The following CLASP2 variants were observed in gnomAD, a reference collection of about 807,000 sequenced individuals.
The protein encoded by CLASP2 is cytoplasmic linker associated protein 2, also known as CLIP-associating protein 2.
In CLASP2, 47 loss-of-function variants were observed where a neutral mutation model predicts 194.4. The observed-to-expected ratio is 0.24, with a 90% CI of 0.19 to 0.31. The LOEUF (loss-of-function observed/expected upper bound fraction) is 0.31, where lower values mean the gene tolerates loss of function less well. Ranked by LOEUF, CLASP2 falls within the 10% of genes least tolerant of loss-of-function variation. The pLI, the probability that CLASP2 is intolerant of heterozygous loss-of-function variation, is 1.00. For missense variants in CLASP2, 1,445 were observed against 1,823.6 expected, an observed-to-expected ratio of 0.79 and a Z score of 3.78; for synonymous variants, 619 against 633.5, an observed-to-expected ratio of 0.98 and a Z score of 0.34.
intron 7 of CLASP2, among the ~76,000 whole-genome samples, chr3:33,650,568 AAAGGAAGAGATGGAAATAGAG>A (rs1296860474): frequency 6.6e-6 from 1 of 152,146 alleles, no homozygotes; most frequent in Non-Finnish European, 1.5e-5. Context: ...AAAATGGAGA[AAAGGAAGAGATGGAAATAGAG>A]AAGGAAGAGA....
chr3:33,629,161 C>G (rs1300691228), intron 9 of CLASP2, among the ~76,000 whole-genome samples: 1 of 152,100 alleles, frequency 6.6e-6, no homozygotes, highest in African/African-American at 2.4e-5. Context: ...ACAGACAACT[C>G]TTTTGGAAAA....
intron 37 of CLASP2, 156 bp from the exon 38 acceptor site, chr3:33,501,924 T>C (rs980461000): frequency 3.1e-5 from 18 of 586,944 alleles, no homozygotes; most frequent in Admixed American, 5.9e-5. Context: ...TTTTCAAGCA[T>C]AGACAATGCC....
intron 10 of CLASP2, among the ~76,000 whole-genome samples, chr3:33,624,471 C>T (rs1559431820): frequency 6.6e-6 from 1 of 151,936 alleles, no homozygotes; most frequent in Admixed American, 6.6e-5. Flanking sequence ...ACACAAAGAA[C>T]GACAATAAAA....
At chr3:33,714,447 C>T (rs1053366231) in intron 1 of CLASP2, among the ~76,000 whole-genome samples, 1 of 152,146 alleles carries the variant, frequency 6.6e-6, no homozygotes, top group African/African-American at 2.4e-5. Context: ...CATCCGTCAC[C>T]CAATTTATTT....
In CLASP2 at chr3:33,544,829, C is replaced by T; in HGVS notation, c.3166G>A (p.Val1056Met). The change falls in exon 31 of 39, where the codon GTG (valine) becomes ATG (methionine). Residue 1056 changes from valine (V) to methionine (M), a missense_variant. By Grantham distance (21) the Val-to-Met change is conservative (BLOSUM62 1). This residue lies in a region of CLASP2 where 732 missense variants were observed against 987.9 expected (regional missense o/e 0.74). Coordinates refer to ENST00000682230, the MANE Select transcript of CLASP2 (RefSeq NM_001365631.1). ...TTGAGTTCAAATAATGAAATCAGCA[C>T]TGACTGTGCTGCCTAAAAAACAAAG... ...SSDVRKAAQSVLISLFELNTP... is the reference protein window; with the variant it reads ...SSDVRKAAQSMLISLFELNTP... 6 of 1,605,560 alleles carry T rather than the reference C, an allele frequency of 3.7e-6. No homozygotes were observed. Among genetic ancestry groups the T allele is most frequent in the Non-Finnish European group, 4.2e-6 (5 of 1,176,884 alleles).
At chr3:33,658,916 G>T in intron 7 of CLASP2, 2 of 1,419,304 alleles carry the variant, frequency 1.4e-6, no homozygotes, top group South Asian at 2.5e-5. Context: ...GCAAATGATC[G>T]TCACCTTAAA....
intron 16 of CLASP2, 134 bp downstream of exon 16, chr3:33,606,457 A>C (rs2073871089): frequency 6.5e-6 from 4 of 612,212 alleles, no homozygotes; most frequent in Non-Finnish European, 1.1e-5. Flanking sequence ...AGACCAAAAT[A>C]AATAAGTGTA....
At chr3:33,670,083 C>T (rs2086877729) in intron 6 of CLASP2, among the ~76,000 whole-genome samples, 1 of 152,126 alleles carries the variant, frequency 6.6e-6, no homozygotes, top group African/African-American at 2.4e-5. Flanking sequence ...TATACATACA[C>T]ATGCACACAC....
intron 18 of CLASP2, among the ~76,000 whole-genome samples, chr3:33,599,304 G>A (rs971431305): frequency 2.6e-5 from 4 of 151,870 alleles, no homozygotes; most frequent in Non-Finnish European, 4.4e-5. Context: ...TTTTATTTTG[G>A]TAGAGGTGTG....
chr3:33,552,738 G>A (rs185532259), intron 29 of CLASP2, among the ~76,000 whole-genome samples: 51 of 152,132 alleles, frequency 3.4e-4, no homozygotes, highest in African/African-American at 1.1e-3. Context: ...TACTCTTTTA[G>A]CAAAAATCCC....
chr3:33,666,253 C>T lies in CLASP2; in HGVS notation c.645-2738G>A, dbSNP rs112659092. ...CACCTCTTCAAACTGTACAATATAACGATTTTTAGTATATCTGCAGAGTTG... is the reference window on the plus strand; with the variant it reads ...CACCTCTTCAAACTGTACAATATAATGATTTTTAGTATATCTGCAGAGTTG... On this transcript the variant is annotated intron_variant, in intron 6 of 38. Transcript: ENST00000682230. Among the ~76,000 whole-genome samples, 1,140 of 152,260 alleles carry T rather than the reference C, an allele frequency of 7.5e-3. 11 individuals are homozygous for T. The highest frequency in any genetic ancestry group is 0.025 in the African/African-American group (1,043 of 41,550).
chr3:33,599,108 T>C (rs1030268475), intron 18 of CLASP2, among the ~76,000 whole-genome samples: 1 of 59,666 alleles, frequency 1.7e-5, no homozygotes, highest in Admixed American at 2.3e-4. Flanking sequence ...TGTTGTCTTA[T>C]TTATTTATTT....
intron 21 of CLASP2, among the ~76,000 whole-genome samples, chr3:33,590,328 T>C (rs567508981): frequency 6.6e-6 from 1 of 152,242 alleles, no homozygotes; most frequent in South Asian, 2.1e-4. Flanking sequence ...GTATCTATGA[T>C]CTAAACCAGT....
At chr3:33,523,581 C>T (rs1034695439) in intron 34 of CLASP2, among the ~76,000 whole-genome samples, 8 of 151,966 alleles carry the variant, frequency 5.3e-5, no homozygotes, top group East Asian at 3.9e-4. Context: ...CCTTCAAAAG[C>T]GAGGGAGAAA....
chr3:33,562,968 C>T (rs908727833), intron 27 of CLASP2, among the ~76,000 whole-genome samples: 12 of 152,184 alleles, frequency 7.9e-5, no homozygotes, highest in African/African-American at 2.9e-4. Flanking sequence ...TCTCCATTGA[C>T]TCTTCCCTCA....
intron 34 of CLASP2, among the ~76,000 whole-genome samples, chr3:33,528,075 A>G (rs1224139894): frequency 6.6e-6 from 1 of 152,226 alleles, no homozygotes; most frequent in Non-Finnish European, 1.5e-5. Context: ...CCAGCAGGAC[A>G]TCAAAAAGCT....
intron 6 of CLASP2, among the ~76,000 whole-genome samples, chr3:33,667,270 G>C (rs2086346741): frequency 6.6e-6 from 1 of 151,718 alleles, no homozygotes. Context: ...AACATAGCTG[G>C]GTATGGTTGT....
At position 33,622,267 on chromosome 3, in the gene CLASP2, C is replaced by T; in HGVS notation, c.1049G>A (p.Arg350Gln). The change falls in exon 11 of 39, where the codon CGA becomes CAA. Residue 350 changes from arginine to glutamine, a missense_variant. Arg to Gln is a conservative substitution (Grantham distance 43, BLOSUM62 1). This residue lies in a region of CLASP2 where 207 missense variants were observed against 331.4 expected (regional missense o/e 0.62). Coordinates refer to ENST00000682230, the MANE Select transcript of CLASP2 (RefSeq NM_001365631.1). ...TGCAGCTCCAGCAACAAGCAGTGAT[C>T]GAATTTTCTTCAGCTGAAATAAAGA... ...DQRANALKKIRSLLVAGAAQY... is the reference protein window; with the variant it reads ...DQRANALKKIQSLLVAGAAQY... The T allele has an allele frequency of 2.7e-6, 4 of 1,479,682 alleles. No individual in the cohort carries two copies. Among genetic ancestry groups the T allele is most frequent in the Non-Finnish European group, 3.6e-6 (4 of 1,111,176 alleles). 91.7% of individuals were successfully genotyped at this position (1,479,682 alleles called of 1,614,324 possible). A position where few individuals can be genotyped will look rare whatever the true frequency, so the allele number is the denominator to read the frequency against.
intron 23 of CLASP2, 125 bp downstream of exon 23, chr3:33,581,696 G>C: frequency 4.8e-6 from 3 of 624,898 alleles, no homozygotes; most frequent in African/African-American, 1.9e-5. Context: ...TCCTCAAAAT[G>C]ACAGAAAAGG....
Sources: gnomAD v4.1 joint callset for allele counts (sites outside exome capture counted in the v4.1 genomes callset) on GRCh38, gnomAD v4.1.1 for gene constraint, gnomAD v4.1.1 regional missense constraint, MANE v1.5 for transcripts, NCBI Gene and HGNC (gene_info 2026-07-23, HGNC 2026-07-21) for gene names.